RIC1: variants seen among roughly 807,000 people sequenced by gnomAD.
RIC1 encodes the protein guanine nucleotide exchange factor subunit RIC1.
RIC1 carries 88 observed loss-of-function variants against 169.0 expected under a neutral mutation model. The ratio of observed to expected loss-of-function variants is 0.52; its 90% CI spans 0.44 to 0.62. The LOEUF (loss-of-function observed/expected upper bound fraction) is 0.62, where lower values mean the gene tolerates loss of function less well. Among genes scored for constraint, RIC1 ranks in the 20% least tolerant of loss-of-function variants. The pLI is 0.00. For synonymous variants in RIC1, 790 were observed against 601.5 expected (o/e 1.31, Z -4.59); for missense variants, 1,877 against 1,725.5 (o/e 1.09, Z -1.56).
rs1821496517 is a variant in RIC1 at position 5,689,942 on chromosome 9, T to C, written c.253-17T>C. The C allele has an allele frequency of 6.5e-7, 1 of 1,527,548 alleles. No individual in the cohort carries two copies. The highest frequency in any genetic ancestry group is 9.0e-7 in the Non-Finnish European group (1 of 1,113,114). 94.6% of individuals were successfully genotyped at this position (1,527,548 alleles called of 1,614,324 possible). On this transcript the variant is annotated splice_polypyrimidine_tract_variant and intron_variant, in intron 2 of 25. Transcript: ENST00000414202. ...GCCTTACTCTTTAATTCATGATTAA[T>C]AAAATTTCTCTTTCAGACGGCAAAT...
chr9:5,681,813 G>A (rs1315858300), intron 2 of RIC1, among the ~76,000 whole-genome samples: 1 of 152,174 alleles, frequency 6.6e-6, no homozygotes, highest in Admixed American at 6.5e-5. Context: ...CTTGCTTTAT[G>A]AATCTAGGTG....
At chr9:5,637,566 T>C (rs1409501209) in intron 1 of RIC1, among the ~76,000 whole-genome samples, 3 of 152,218 alleles carry the variant, frequency 2.0e-5, no homozygotes, top group Non-Finnish European at 2.9e-5. Context: ...TCATTCTCTT[T>C]TTTTGTACCC....
intron 2 of RIC1, among the ~76,000 whole-genome samples, chr9:5,679,954 C>T (rs199949006): frequency 6.6e-6 from 1 of 152,112 alleles, no homozygotes; most frequent in Non-Finnish European, 1.5e-5. Flanking sequence ...TTTTGTCCAT[C>T]CAGTATAATA....
intron 3 of RIC1, 81 bp downstream of exon 3, chr9:5,690,119 T>C: frequency 3.3e-6 from 3 of 920,590 alleles, no homozygotes; most frequent in Non-Finnish European, 4.8e-6. Flanking sequence ...TTGAGTTGTC[T>C]GTAGTGATTA....
At chr9:5,762,490 A>C (rs761513010) in intron 17 of RIC1, 51 bp from the exon 18 acceptor site, 1 of 1,604,398 alleles carries the variant, frequency 6.2e-7, no homozygotes, top group Non-Finnish European at 8.5e-7. Flanking sequence ...GAGATGCGGA[A>C]AGCATACCGA....
At position 5,720,296 on chromosome 9, in the gene RIC1, C is replaced by G. The variant is rs111579735; in HGVS notation, c.555C>G (p.Pro185=). ...GRKAINLCTV[P]FSVDLQSSRV... is the part of the protein sequence containing the mutation. The stretch of plus-strand genomic sequence containing the variant: ...AAGCCATTAATCTTTGCACAGTACC[C>G]TTTTCAGTAGACCTGCAGTCATCTA... Residue 185 remains proline (P), a synonymous_variant, in exon 5 of 26, where the codon CCC becomes CCG. Coordinates refer to ENST00000414202, the MANE Select transcript of RIC1 (RefSeq NM_020829.4). 493 of 1,613,506 alleles carry G rather than the reference C, an allele frequency of 3.1e-4. 2 individuals carry two copies. The African/African-American group carries it at 4.3e-3, about 14-fold the overall frequency.
In RIC1 at chr9:5,774,257, C is replaced by A. The variant is rs1278452254; in HGVS notation, c.*11C>A. 3 of 1,590,552 alleles carry A rather than the reference C, an allele frequency of 1.9e-6. No individual in the cohort carries two copies. Among genetic ancestry groups the A allele is most frequent in the African/African-American group, 2.7e-5 (2 of 74,412 alleles). On this transcript the variant is annotated 3_prime_UTR_variant, in exon 26 of 26. Coordinates refer to ENST00000414202, the MANE Select transcript of RIC1 (RefSeq NM_020829.4). ...TGTTCTGTGTCCTAACAGTGAGGTT[C>A]CATCACAAAGGGGCAGTATTAATTA...
At chr9:5,655,999 A>G (rs1430320222) in intron 1 of RIC1, among the ~76,000 whole-genome samples, 3 of 152,114 alleles carry the variant, frequency 2.0e-5, no homozygotes, top group East Asian at 3.9e-4. Flanking sequence ...CCTCCTGAGT[A>G]GCTGGGACTA....
chr9:5,743,379 C>G (rs1825191739), intron 9 of RIC1, among the ~76,000 whole-genome samples: 1 of 151,912 alleles, frequency 6.6e-6, no homozygotes, highest in Non-Finnish European at 1.5e-5. Context: ...GTAGGTTAGC[C>G]CAGTGATTGA....
chr9:5,773,886 A>G, intron 25 of RIC1, 72 bp from the exon 26 acceptor site: 1 of 1,355,838 alleles, frequency 7.4e-7, no homozygotes, highest in South Asian at 1.5e-5. Flanking sequence ...GTTCAGTAGA[A>G]GTTCACCCGT....
At chr9:5,718,490 C>G (rs184998728) in intron 4 of RIC1, among the ~76,000 whole-genome samples, 35 of 152,224 alleles carry the variant, frequency 2.3e-4, no homozygotes, top group Admixed American at 1.2e-3. Flanking sequence ...AGGAAGAAAG[C>G]TAATCTATAA....
In RIC1 at chr9:5,754,935, GT is replaced by G. The variant is rs770686754; in HGVS notation, c.1692+11del. 4.7e-6 allele frequency: 7 copies of G among 1,496,106 alleles called. No homozygotes were observed. Among genetic ancestry groups the G allele is most frequent in the South Asian group, 1.4e-5 (1 of 69,952 alleles). 92.7% of individuals were successfully genotyped at this position (1,496,106 alleles called of 1,614,324 possible). Reference sequence around the variant, plus strand: ...ATAAATGACCGTCAAGAAGAGGTAAGTTTTTTCTCTCAGAAATAACAGATTT... The same window carrying G: ...ATAAATGACCGTCAAGAAGAGGTAAGTTTTTCTCTCAGAAATAACAGATTT... On this transcript the variant is annotated splice_donor_region_variant and intron_variant, in intron 15 of 25. Coordinates refer to ENST00000414202, the MANE Select transcript of RIC1 (RefSeq NM_020829.4).
chr9:5,647,466 G>T (rs1238557841), intron 1 of RIC1, among the ~76,000 whole-genome samples: 1 of 152,142 alleles, frequency 6.6e-6, no homozygotes, highest in Non-Finnish European at 1.5e-5. Flanking sequence ...TCATTTATTT[G>T]TGTCTAATTT....
At chr9:5,709,420 C>G (rs904893895) in intron 3 of RIC1, among the ~76,000 whole-genome samples, 2 of 152,098 alleles carry the variant, frequency 1.3e-5, no homozygotes, top group Non-Finnish European at 2.9e-5. Flanking sequence ...TTATCAGCTC[C>G]CTTACTTTCT....
chr9:5,748,297 ACTCT>A (rs1362715384), intron 12 of RIC1, among the ~76,000 whole-genome samples: 1 of 151,734 alleles, frequency 6.6e-6, no homozygotes, highest in Non-Finnish European at 1.5e-5. Context: ...CCTTACTTTG[ACTCT>A]CTATATGTTT....
intron 17 of RIC1, among the ~76,000 whole-genome samples, chr9:5,761,758 C>A (rs1040205785): frequency 9.9e-5 from 15 of 152,122 alleles, no homozygotes; most frequent in African/African-American, 3.1e-4. Flanking sequence ...TCTGAGGTTC[C>A]TTTTAAAACA....
At chr9:5,710,205 C>T (rs539837438) in intron 3 of RIC1, among the ~76,000 whole-genome samples, 17 of 152,284 alleles carry the variant, frequency 1.1e-4, no homozygotes, top group Admixed American at 7.8e-4. Context: ...ACTGGTACTA[C>T]AGAATATAGG....
Position 5,676,794 on chromosome 9 carries a change from G to A in RIC1, c.253-13165G>A, listed in dbSNP as rs372193286. ...TGTTTTCTGGTTTTATATAAATTAAGTCATACACTGTATACTTATTTTTTC... is the reference window on the plus strand; with the variant it reads ...TGTTTTCTGGTTTTATATAAATTAAATCATACACTGTATACTTATTTTTTC... On this transcript the variant is annotated intron_variant, in intron 2 of 25. Coordinates refer to ENST00000414202, the MANE Select transcript of RIC1 (RefSeq NM_020829.4). 8.5e-5 allele frequency among the ~76,000 whole-genome samples: 13 copies of A among 152,232 alleles called. No homozygotes were observed. The East Asian group carries it at 1.9e-3, about 23-fold the overall frequency.
chr9:5,671,726 A>G (rs1347305591), intron 2 of RIC1, among the ~76,000 whole-genome samples: 1 of 152,064 alleles, frequency 6.6e-6, no homozygotes, highest in African/African-American at 2.4e-5. Flanking sequence ...CCCATTCCTA[A>G]CTCCTCTCCT....
Sources: allele counts gnomAD v4.1 joint callset (sites outside exome capture counted in the v4.1 genomes callset), GRCh38; gene constraint gnomAD v4.1.1; transcripts MANE v1.5; gene names NCBI Gene and HGNC (gene_info 2026-07-23, HGNC 2026-07-21).